Variants in FAT4 observed in about 807,000 individuals in gnomAD.
FAT4 encodes the protein FAT atypical cadherin 4.
In FAT4, 84 loss-of-function variants were observed where a neutral mutation model predicts 303.9. The ratio of observed to expected loss-of-function variants is 0.28; its 90% CI spans 0.23 to 0.33. FAT4 has a LOEUF of 0.33. Among genes scored for constraint, FAT4 ranks in the 10% least tolerant of loss-of-function variants. The pLI, the probability that FAT4 is intolerant of heterozygous loss-of-function variation, is 1.00. For missense variants in FAT4, 6,005 were observed against 6,146.8 expected (o/e 0.98, Z 0.77); for synonymous variants, 2,307 against 2,298.8 (o/e 1.00, Z -0.10).
Position 125,317,276 on chromosome 4 carries a change from C to G in FAT4, c.865C>G (p.Leu289Val). The change falls in exon 2 of 18, where the codon CTG (leucine) becomes GTG (valine). Residue 289 changes from leucine to valine, a missense_variant. Physicochemically the swap from Leu to Val is conservative, Grantham distance 32. Transcript: ENST00000394329. This position sits in a 1 kb window ranked among gnomAD's most constrained non-coding sequence, Gnocchi z 7.0. Reference protein sequence around the residue: ...EGTNADIRYRLQDEGTPFQMD... With the variant: ...EGTNADIRYRVQDEGTPFQMD... ...CACCAACGCGGACATCCGCTATCGCCTGCAGGACGAGGGGACCCCCTTCCA... is the reference window on the plus strand; with the variant it reads ...CACCAACGCGGACATCCGCTATCGCGTGCAGGACGAGGGGACCCCCTTCCA... 1.3e-6 allele frequency: 2 copies of G among 1,585,178 alleles called. No individual in the cohort carries two copies. The highest frequency in any genetic ancestry group is 1.7e-4 in the Middle Eastern group (1 of 5,908).
rs375872898 is a variant in FAT4 at position 125,450,451 on chromosome 4, A to G, written c.9441A>G (p.Ile3147Met). ...TTGCAATCAATTCTTCTACAGGTAT[A>G]TTAACACTAGCCAAAGCTCTTGATT... ...GIFAINSSTG[I>M]LTLAKALDYE... The change falls in exon 10 of 18, where the codon ATA becomes ATG. Residue 3147 changes from isoleucine to methionine, a missense_variant. Ile to Met is a conservative substitution (Grantham distance 10). Transcript: ENST00000394329. The G allele has an allele frequency of 6.2e-6, 10 of 1,614,014 alleles. No homozygotes were observed. Among genetic ancestry groups the G allele is most frequent in the African/African-American group, 2.7e-5 (2 of 74,942 alleles).
rs1284077653 is a variant in FAT4 at position 125,415,768 on chromosome 4, C to T, written c.6805C>T (p.Pro2269Ser). Residue 2269 changes from proline to serine, a missense_variant, in exon 6 of 18, where the codon CCT becomes TCT. Transcript: ENST00000394329. ...GCTATCTCCATATTCTGTAAATGTC[C>T]CTGAGAATTTAGGGACACTACCCAG... Reference protein sequence around the residue: ...FELSPYSVNVPENLGTLPRTI... With the variant: ...FELSPYSVNVSENLGTLPRTI... The T allele has an allele frequency of 3.1e-6, 5 of 1,613,332 alleles. No individual in the cohort carries two copies. The African/African-American group carries it at 5.3e-5, about 17-fold the overall frequency.
At chr4:125,461,254 A>G (rs1424565944) in intron 10 of FAT4, among the ~76,000 whole-genome samples, 1 of 152,080 alleles carries the variant, frequency 6.6e-6, no homozygotes, top group Non-Finnish European at 1.5e-5. Context: ...ATAATTATAC[A>G]CAAAAAGAAC....
intron 2 of FAT4, among the ~76,000 whole-genome samples, chr4:125,368,985 C>G (rs1732999452): frequency 6.6e-6 from 1 of 152,118 alleles, no homozygotes; most frequent in African/African-American, 2.4e-5. Flanking sequence ...GTGTTTGGCA[C>G]TACACAATCT....
intron 2 of FAT4, among the ~76,000 whole-genome samples, chr4:125,393,359 A>T (rs904934944): frequency 6.6e-6 from 1 of 152,150 alleles, no homozygotes; most frequent in Non-Finnish European, 1.5e-5. Flanking sequence ...TTGCTATTTT[A>T]GTCATTTCCT....
intron 2 of FAT4, among the ~76,000 whole-genome samples, chr4:125,352,393 A>G (rs1168423724): frequency 6.6e-6 from 1 of 151,618 alleles, no homozygotes; most frequent in Non-Finnish European, 1.5e-5. Flanking sequence ...GATTTCTTCC[A>G]TGTAACATTA....
intron 7 of FAT4, among the ~76,000 whole-genome samples, chr4:125,425,483 C>CA (rs1311234420): frequency 6.6e-6 from 1 of 151,888 alleles, no homozygotes; most frequent in Non-Finnish European, 1.5e-5. Context: ...GTTTAGGAAG[C>CA]AAAAAATCTT....
intron 11 of FAT4, 134 bp from the exon 12 acceptor site, chr4:125,468,378 A>ACT (rs1726739802): frequency 5.8e-6 from 3 of 520,924 alleles, no homozygotes; most frequent in Non-Finnish European, 9.4e-6. Flanking sequence ...ATTTTAGTTT[A>ACT]GATGAAATTT....
rs146037953 is a variant in FAT4, at chr4:125,384,108, A to G, written c.5176-14676A>G. 2.4e-4 allele frequency among the ~76,000 whole-genome samples: 36 copies of G among 152,312 alleles called. 1 individual carries two copies. The highest frequency in any genetic ancestry group is 8.4e-4 in the African/African-American group (35 of 41,574). On this transcript the variant is annotated intron_variant, in intron 2 of 17. Transcript: ENST00000394329. ...CATTTGGGTTGTTTTCACCTTTTGA[A>G]TATTATAAATAATGCTGCTCTGAAC...
intron 2 of FAT4, among the ~76,000 whole-genome samples, chr4:125,325,475 A>G (rs1731115588): frequency 6.6e-6 from 1 of 152,176 alleles, no homozygotes; most frequent in Non-Finnish European, 1.5e-5. Flanking sequence ...GATAAAAAGA[A>G]AAGATTATGC....
At chr4:125,413,050 A>G (rs2126025116) in intron 5 of FAT4, among the ~76,000 whole-genome samples, 1 of 151,954 alleles carries the variant, frequency 6.6e-6, no homozygotes, top group East Asian at 1.9e-4. Flanking sequence ...TTCTGTGTGT[A>G]TATATAGATA....
In FAT4 at chr4:125,320,086, T is replaced by A. The variant is rs202235021; in HGVS notation, c.3675T>A (p.Asn1225Lys). The change falls in exon 2 of 18, where the codon AAT (asparagine) becomes AAA (lysine). Residue 1225 changes from asparagine to lysine, a missense_variant. Coordinates refer to ENST00000394329, the MANE Select transcript of FAT4 (RefSeq NM_001291303.3). ...CTACAATATCAGAATCAGCAGCCAA[T>A]CTGACACAAGTGTTAAGAGTATCTG... is the stretch of plus-strand genomic sequence containing the variant. ...YQATISESAA[N>K]LTQVLRVSAS... The A allele has an allele frequency of 1.7e-4, 272 of 1,613,908 alleles. No individual in the cohort carries two copies. The highest frequency in any genetic ancestry group is 2.0e-4 in the Non-Finnish European group (235 of 1,179,954).
intron 2 of FAT4, among the ~76,000 whole-genome samples, chr4:125,350,860 T>C (rs148310499): frequency 2.9e-4 from 44 of 151,818 alleles, no homozygotes; most frequent in African/African-American, 1.1e-3. Context: ...TCTTCCCCAA[T>C]CAGACAGTCC....
At chr4:125,389,078 C>T (rs563486008) in intron 2 of FAT4, among the ~76,000 whole-genome samples, 27 of 152,126 alleles carry the variant, frequency 1.8e-4, no homozygotes, top group Admixed American at 5.9e-4. Flanking sequence ...TTTTAAAACT[C>T]ATTATGATTA....
intron 2 of FAT4, among the ~76,000 whole-genome samples, chr4:125,339,418 GA>G (rs770215152): frequency 2.0e-5 from 3 of 151,918 alleles, no homozygotes; most frequent in Admixed American, 6.6e-5. Flanking sequence ...GGATGGTCTC[GA>G]TCTTCTGACC....
intron 2 of FAT4, among the ~76,000 whole-genome samples, chr4:125,327,008 G>GTGC: frequency 6.6e-6 from 1 of 152,232 alleles, no homozygotes; most frequent in East Asian, 1.9e-4. Context: ...CTGGGTGACA[G>GTGC]AATTAGACTT....
intron 7 of FAT4, among the ~76,000 whole-genome samples, chr4:125,418,340 C>T (rs1322340698): frequency 2.0e-5 from 3 of 152,060 alleles, no homozygotes; most frequent in African/African-American, 7.2e-5. Context: ...ATTGCAGTGG[C>T]AGTTTTTAAT....
chr4:125,329,108 T>G lies in FAT4; in HGVS notation c.5175+7522T>G, dbSNP rs143397919. 2.9e-3 allele frequency among the ~76,000 whole-genome samples: 446 copies of G among 152,350 alleles called. 3 individuals are homozygous for G. Among genetic ancestry groups the G allele is most frequent in the Non-Finnish European group, 3.4e-3 (230 of 68,030 alleles). ...ACCTATAATCTGTTATTTCTTCATTTTGCTTTCTAAATCCCAAGGCAGGAA... is the reference window on the plus strand; with the variant it reads ...ACCTATAATCTGTTATTTCTTCATTGTGCTTTCTAAATCCCAAGGCAGGAA... On this transcript the variant is annotated intron_variant, in intron 2 of 17. Coordinates refer to ENST00000394329, the MANE Select transcript of FAT4 (RefSeq NM_001291303.3).
In FAT4 at chr4:125,319,379, A is replaced by C. The variant is rs1341192151; in HGVS notation, c.2968A>C (p.Asn990His). 2 of 1,613,080 alleles carry C rather than the reference A, an allele frequency of 1.2e-6. No homozygotes were observed. Among genetic ancestry groups the C allele is most frequent in the Non-Finnish European group, 1.7e-6 (2 of 1,179,612 alleles). Residue 990 changes from asparagine (N) to histidine (H), a missense_variant, in exon 2 of 18, where the codon AAT (asparagine) becomes CAT (histidine). By Grantham distance (68) the Asn-to-His change is moderately conservative. Transcript: ENST00000394329. Reference protein sequence around the residue: ...VILTVYVHDVNDNSPVFDQLS... With the variant: ...VILTVYVHDVHDNSPVFDQLS... ...CTTAACAGTTTATGTCCATGATGTA[A>C]ATGACAATTCACCAGTGTTTGACCA...
Sources: allele counts gnomAD v4.1 joint callset (sites outside exome capture counted in the v4.1 genomes callset), GRCh38; gene constraint gnomAD v4.1.1; non-coding constraint Gnocchi (gnomAD v3.1); transcripts MANE v1.5; gene names NCBI Gene and HGNC (gene_info 2026-07-23, HGNC 2026-07-21).